Variants in MYRIP observed in about 807,000 individuals in gnomAD.
MYRIP encodes the protein rab effector MyRIP.
MYRIP carries 49 observed loss-of-function variants against 98.0 expected under a neutral mutation model. The observed-to-expected ratio is 0.50, with a 90% CI of 0.40 to 0.63. The LOEUF (loss-of-function observed/expected upper bound fraction) is 0.63, where lower values mean the gene tolerates loss of function less well. MYRIP is among the 30% of genes least tolerant of loss of function. The pLI is 0.00. For synonymous variants in MYRIP, 404 were observed against 409.5 expected, an observed-to-expected ratio of 0.99 and a Z score of 0.16; for missense variants, 1,004 against 1,058.2, an observed-to-expected ratio of 0.95 and a Z score of 0.71.
chr3:39,925,155 A>T (rs757596466), intron 2 of MYRIP, among the ~76,000 whole-genome samples: 4 of 151,908 alleles, frequency 2.6e-5, no homozygotes, highest in Admixed American at 6.6e-5. Context: ...AAAATAAATG[A>T]AACAAAGTCT....
chr3:40,050,377 AAAC>A (rs1947766675), intron 3 of MYRIP, among the ~76,000 whole-genome samples: 1 of 152,256 alleles, frequency 6.6e-6, no homozygotes, highest in East Asian at 1.9e-4. Context: ...TCTATAAATA[AAAC>A]AACAAAGCCT....
intron 12 of MYRIP, among the ~76,000 whole-genome samples, chr3:40,239,456 A>G: frequency 6.9e-6 from 1 of 144,656 alleles, no homozygotes; most frequent in African/African-American, 2.8e-5. Context: ...TGGTATTTCT[A>G]GTTCTAGATC....
rs1159682836 is a variant in MYRIP at position 40,151,799 on chromosome 3, C to A, written c.469+615C>A. 3.3e-5 allele frequency among the ~76,000 whole-genome samples: 5 copies of A among 152,258 alleles called. No homozygotes were observed. In the East Asian group the frequency reaches 9.6e-4, roughly 29 times the overall value. ...GGTAGTCAGAATATGGACAGCATGC[C>A]TTCCAAAAAGGCTGTTTCTTTCTAT... On this transcript the variant is annotated intron_variant, in intron 4 of 16. Coordinates refer to ENST00000302541, the MANE Select transcript of MYRIP (RefSeq NM_015460.4).
chr3:40,196,392 C>T (rs1015571347), intron 10 of MYRIP, among the ~76,000 whole-genome samples: 1 of 152,088 alleles, frequency 6.6e-6, no homozygotes, highest in African/African-American at 2.4e-5. Context: ...GTTTCCACCC[C>T]ACTAGCCTTG....
At chr3:40,174,984 A>G (rs1950716315) in intron 8 of MYRIP, among the ~76,000 whole-genome samples, 1 of 152,048 alleles carries the variant, frequency 6.6e-6, no homozygotes, top group African/African-American at 2.4e-5. Context: ...TCTATTAAAA[A>G]CACAAAAAAT....
intron 2 of MYRIP, among the ~76,000 whole-genome samples, chr3:40,018,793 T>C (rs12715353): frequency 0.91 from 138,813 of 152,146 alleles, 64,119 homozygotes; most frequent in Non-Finnish European, 0.99. Flanking sequence ...TTATGGACAA[T>C]CAAATCAATA....
intron 1 of MYRIP, among the ~76,000 whole-genome samples, chr3:39,854,277 C>G (rs1346669403): frequency 1.3e-5 from 2 of 152,092 alleles, no homozygotes; most frequent in Non-Finnish European, 2.9e-5. Flanking sequence ...ATTAGGAATA[C>G]CAATTATTCT....
At chr3:40,043,123 G>A (rs957808026) in intron 2 of MYRIP, among the ~76,000 whole-genome samples, 1 of 151,974 alleles carries the variant, frequency 6.6e-6, no homozygotes, top group African/African-American at 2.4e-5. Flanking sequence ...TATAAGTGGG[G>A]GACTGTGTTT....
chr3:40,138,394 G>A (rs1949826275), intron 3 of MYRIP, among the ~76,000 whole-genome samples: 1 of 152,034 alleles, frequency 6.6e-6, no homozygotes. Flanking sequence ...GTAGCTCTAA[G>A]GACTTTAAGT....
chr3:39,949,512 A>T (rs1231776107), intron 2 of MYRIP, among the ~76,000 whole-genome samples: 2 of 152,190 alleles, frequency 1.3e-5, no homozygotes, highest in East Asian at 3.9e-4. Context: ...AAGTCTGAGA[A>T]ACATTTGCTG....
In MYRIP at chr3:40,132,511, C is replaced by T. The variant is rs991200450; in HGVS notation, c.333-18537C>T. On this transcript the variant is annotated intron_variant, in intron 3 of 16. Coordinates refer to ENST00000302541, the MANE Select transcript of MYRIP (RefSeq NM_015460.4). ...AGGCAATTCTCCAGAAGCCCAAGAG[C>T]TCTGAGAGCAAAAGTGTAAGGCCAA... Among the ~76,000 whole-genome samples the T allele has an allele frequency of 3.9e-5, 6 of 152,354 alleles. 1 individual carries two copies. Among genetic ancestry groups the T allele is most frequent in the African/African-American group, 1.4e-4 (6 of 41,574 alleles).
At chr3:40,064,159 A>G (rs1485582727) in intron 3 of MYRIP, among the ~76,000 whole-genome samples, 1 of 152,002 alleles carries the variant, frequency 6.6e-6, no homozygotes, top group African/African-American at 2.4e-5. Flanking sequence ...TCTCCACCTT[A>G]TTATATGTAG....
intron 2 of MYRIP, among the ~76,000 whole-genome samples, chr3:40,039,073 G>T (rs1947451250): frequency 6.6e-6 from 1 of 152,062 alleles, no homozygotes; most frequent in African/African-American, 2.4e-5. Context: ...TTTCTGTTCG[G>T]CCTGGAGCTG....
At position 40,058,367 on chromosome 3, in the gene MYRIP, G is replaced by A. The variant is rs547408045; in HGVS notation, c.332+14096G>A. Among the ~76,000 whole-genome samples, 10 of 152,274 alleles carry A rather than the reference G, an allele frequency of 6.6e-5. 1 individual carries two copies. The East Asian group carries it at 1.9e-3, about 29-fold the overall frequency. On this transcript the variant is annotated intron_variant, in intron 3 of 16. Coordinates refer to ENST00000302541, the MANE Select transcript of MYRIP (RefSeq NM_015460.4). ...AGTCCCTAGAAACTAAAAAATATGT[G>A]TAGAAGACTATAGCTTCAAGACAAA... is the stretch of plus-strand genomic sequence containing the variant.
intron 2 of MYRIP, among the ~76,000 whole-genome samples, chr3:39,921,444 C>A (rs1944300403): frequency 6.6e-6 from 1 of 152,180 alleles, no homozygotes; most frequent in Non-Finnish European, 1.5e-5. Context: ...TGCCTAAGTA[C>A]AAACAATCAT....
Position 40,200,322 on chromosome 3 carries a change from G to T in MYRIP, c.1666-9532G>T, listed in dbSNP as rs1367102120. Among the ~76,000 whole-genome samples the T allele has an allele frequency of 2.0e-5, 3 of 151,996 alleles. No homozygotes were observed. The East Asian group carries it at 5.8e-4, about 30-fold the overall frequency. ...GTTTTAAGAAAGTTTATGAATTTGT[G>T]TTGGGCTCAATTCAAAGTCCTCTTG... is the stretch of plus-strand genomic sequence containing the variant. On this transcript the variant is annotated intron_variant, in intron 10 of 16. Coordinates refer to ENST00000302541, the MANE Select transcript of MYRIP (RefSeq NM_015460.4).
intron 10 of MYRIP, among the ~76,000 whole-genome samples, chr3:40,192,931 C>A (rs1951282577): frequency 6.6e-6 from 1 of 152,162 alleles, no homozygotes; most frequent in Admixed American, 6.5e-5. Flanking sequence ...GAATAAGCTC[C>A]TCCCTGGGAG....
At chr3:40,129,005 A>G (rs1949579840) in intron 3 of MYRIP, among the ~76,000 whole-genome samples, 1 of 152,140 alleles carries the variant, frequency 6.6e-6, no homozygotes, top group Non-Finnish European at 1.5e-5. Context: ...TAGAATTTTA[A>G]TTATTCAATT....
At chr3:39,973,121 G>C (rs1178096718) in intron 2 of MYRIP, among the ~76,000 whole-genome samples, 1 of 152,094 alleles carries the variant, frequency 6.6e-6, no homozygotes, top group African/African-American at 2.4e-5. Flanking sequence ...TGGATAAAGA[G>C]TCAAGACCCA....
Sources: allele counts gnomAD v4.1 joint callset (sites outside exome capture counted in the v4.1 genomes callset), GRCh38; gene constraint gnomAD v4.1.1; transcripts MANE v1.5; gene names NCBI Gene and HGNC (gene_info 2026-07-23, HGNC 2026-07-21).